Variants in DNAJC1 observed in about 807,000 individuals in gnomAD.
The protein encoded by DNAJC1 is dnaJ homolog subfamily C member 1.
Under a neutral mutation model 76.6 loss-of-function variants are expected in DNAJC1, and 58 were observed. That is an observed-to-expected ratio of 0.76 (90% confidence interval 0.61 to 0.94). The LOEUF is 0.94. DNAJC1 is among the 40% of genes least tolerant of loss of function. The pLI, the probability that DNAJC1 is intolerant of heterozygous loss-of-function variation, is 0.00. For synonymous variants in DNAJC1, 258 were observed against 267.9 expected (o/e 0.96, Z 0.36); for missense variants, 689 against 677.3 (o/e 1.02, Z -0.19).
chr10:21,799,824 C>A (rs1834793894), intron 9 of DNAJC1, among the ~76,000 whole-genome samples: 1 of 152,060 alleles, frequency 6.6e-6, no homozygotes. Flanking sequence ...AGTTCTCACC[C>A]CACGTATTTA....
Position 21,852,919 on chromosome 10 carries a change from C to T in DNAJC1, c.978+29363G>A, listed in dbSNP as rs1590016174. On this transcript the variant is annotated intron_variant, in intron 8 of 11. Transcript: ENST00000376980. ...AGTCAGATCATTTGAGTTCTGACTC[C>T]ACCATTTACTAGTTAGCTATGATTT... 2.0e-5 allele frequency among the ~76,000 whole-genome samples: 3 copies of T among 152,132 alleles called. No homozygotes were observed. In the East Asian group the frequency reaches 5.8e-4, roughly 29 times the overall value.
chr10:21,899,545 TC>T (rs1836609962), intron 7 of DNAJC1, among the ~76,000 whole-genome samples: 1 of 151,506 alleles, frequency 6.6e-6, no homozygotes, highest in East Asian at 1.9e-4. Context: ...TGAGAAAGGA[TC>T]CCCCAACAAT....
chr10:21,775,118 C>T (rs765288948), intron 9 of DNAJC1, among the ~76,000 whole-genome samples: 5 of 152,052 alleles, frequency 3.3e-5, no homozygotes, highest in East Asian at 3.9e-4. Context: ...ATAATGGAAA[C>T]GATGTGATGT....
chr10:21,857,136 G>T (rs1835847866), intron 8 of DNAJC1, among the ~76,000 whole-genome samples: 1 of 152,156 alleles, frequency 6.6e-6, no homozygotes, highest in Non-Finnish European at 1.5e-5. Flanking sequence ...AGAAGGATAT[G>T]CCATTTATCT....
At position 21,793,842 on chromosome 10, in the gene DNAJC1, A is replaced by C. The variant is rs185617066; in HGVS notation, c.1098+12138T>G. Among the ~76,000 whole-genome samples, 342 of 152,288 alleles carry C rather than the reference A, an allele frequency of 2.2e-3. 3 individuals carry two copies. Among genetic ancestry groups the C allele is most frequent in the African/African-American group, 7.8e-3 (326 of 41,560 alleles). On this transcript the variant is annotated intron_variant, in intron 9 of 11. Coordinates refer to ENST00000376980, the MANE Select transcript of DNAJC1 (RefSeq NM_022365.4). ...GTGGTCCATCCCTGTAGTCCCAGCT[A>C]CTGGGAAGGCTGAAGTGGGCAGATT... is the stretch of plus-strand genomic sequence containing the variant.
chr10:21,935,820 GA>G (rs985913836), intron 1 of DNAJC1, among the ~76,000 whole-genome samples: 58 of 148,260 alleles, frequency 3.9e-4, no homozygotes, highest in African/African-American at 4.7e-4. Flanking sequence ...AAATTAACAT[GA>G]AAAAAAAAAT....
chr10:21,851,577 T>C (rs1835754416), intron 8 of DNAJC1, among the ~76,000 whole-genome samples: 1 of 152,186 alleles, frequency 6.6e-6, no homozygotes. Context: ...AACAGGTTGA[T>C]GGTACATCAA....
intron 6 of DNAJC1, among the ~76,000 whole-genome samples, chr10:21,908,188 ATATATAT>A (rs1227052696): frequency 9.8e-6 from 1 of 102,404 alleles, no homozygotes; most frequent in East Asian, 2.4e-4. Context: ...ATATATAAAA[ATATATAT>A]TATATATATA....
chr10:21,974,864 AATGTAATATGTATACTTCTT>A (rs1838036957), intron 1 of DNAJC1, among the ~76,000 whole-genome samples: 1 of 152,184 alleles, frequency 6.6e-6, no homozygotes, highest in South Asian at 2.1e-4. Context: ...TTCTCTATGT[AATGTAATATGTATACTTCTT>A]ATGTAATATG....
At chr10:21,808,884 T>C (rs942379151) in intron 8 of DNAJC1, among the ~76,000 whole-genome samples, 2 of 152,210 alleles carry the variant, frequency 1.3e-5, no homozygotes, top group Non-Finnish European at 2.9e-5. Flanking sequence ...GTTGTGACTA[T>C]ACAAGCACTC....
At chr10:21,920,274 A>G (rs1837019856) in intron 4 of DNAJC1, among the ~76,000 whole-genome samples, 1 of 152,100 alleles carries the variant, frequency 6.6e-6, no homozygotes, top group Admixed American at 6.5e-5. Context: ...ATGAATACTG[A>G]TAAATATGTT....
At chr10:21,873,952 T>C (rs557171090) in intron 8 of DNAJC1, among the ~76,000 whole-genome samples, 1 of 152,360 alleles carries the variant, frequency 6.6e-6, no homozygotes, top group Non-Finnish European at 1.5e-5. Context: ...TGAATTAAGA[T>C]GTTAATTGTA....
At chr10:21,970,758 T>C (rs185365355) in intron 1 of DNAJC1, among the ~76,000 whole-genome samples, 129 of 152,106 alleles carry the variant, frequency 8.5e-4, no homozygotes, top group Non-Finnish European at 5.0e-4. Flanking sequence ...GCATAGTTAG[T>C]ATGTTCTCTG....
intron 1 of DNAJC1, among the ~76,000 whole-genome samples, chr10:21,992,844 C>T (rs1386564987): frequency 8.5e-5 from 13 of 152,146 alleles, no homozygotes; most frequent in Admixed American, 8.5e-4. Context: ...TACAGTGGAT[C>T]GTTACAGATC....
intron 8 of DNAJC1, among the ~76,000 whole-genome samples, chr10:21,837,451 C>T (rs1201935215): frequency 1.3e-5 from 2 of 151,890 alleles, no homozygotes; most frequent in African/African-American, 2.4e-5. Flanking sequence ...GCCGCCATCC[C>T]GTCTAGGAAG....
intron 8 of DNAJC1, among the ~76,000 whole-genome samples, chr10:21,813,445 G>C (rs1430398677): frequency 6.6e-6 from 1 of 150,526 alleles, no homozygotes; most frequent in African/African-American, 2.5e-5. Context: ...CTGGAGTGTG[G>C]AGTGCAGTAG....
chr10:21,793,231 G>A (rs926953290), intron 9 of DNAJC1, among the ~76,000 whole-genome samples: 9 of 152,090 alleles, frequency 5.9e-5, no homozygotes, highest in South Asian at 2.1e-4. Context: ...ACTTGAACCC[G>A]GGAAGTGGAG....
At chr10:21,847,220 C>G (rs968328796) in intron 8 of DNAJC1, among the ~76,000 whole-genome samples, 5 of 152,074 alleles carry the variant, frequency 3.3e-5, no homozygotes, top group African/African-American at 1.2e-4. Context: ...AGGAAAGAAC[C>G]AGCAAAGTAG....
rs1048124963 is a variant in DNAJC1, at chr10:21,798,100, C to T, written c.1098+7880G>A. Among the ~76,000 whole-genome samples the T allele has an allele frequency of 1.2e-4, 19 of 152,284 alleles. No homozygotes were observed. The East Asian group carries it at 1.3e-3, about 11-fold the overall frequency. On this transcript the variant is annotated intron_variant, in intron 9 of 11. Coordinates refer to ENST00000376980, the MANE Select transcript of DNAJC1 (RefSeq NM_022365.4). ...CCTTACACACACAGGCAATCATTTC[C>T]GCTCACAGTTCTTCTGAAGGTTACA...
Sources: gnomAD v4.1 joint callset for allele counts (sites outside exome capture counted in the v4.1 genomes callset) on GRCh38, gnomAD v4.1.1 for gene constraint, MANE v1.5 for transcripts, NCBI Gene and HGNC (gene_info 2026-07-23, HGNC 2026-07-21) for gene names.